The following SEPTIN9 variants were observed in gnomAD, a reference collection of about 807,000 sequenced individuals.
SEPTIN9 encodes the protein septin 9.
A neutral mutation model predicts 56.6 loss-of-function variants in SEPTIN9; 13 were observed. The ratio of observed to expected loss-of-function variants is 0.23; its 90% CI spans 0.15 to 0.37. The LOEUF (loss-of-function observed/expected upper bound fraction) is 0.37, where lower values mean the gene tolerates loss of function less well. Ranked by LOEUF, SEPTIN9 falls within the 10% of genes least tolerant of loss-of-function variation. The probability of loss-of-function intolerance (pLI) is 1.00; values close to 1 mark genes in which losing one functional copy is unlikely to be tolerated. For synonymous variants in SEPTIN9, 332 were observed against 334.1 expected (o/e 0.99, Z 0.07); for missense variants, 650 against 823.1 (o/e 0.79, Z 2.57).
chr17:77,365,677 C>A (rs1598259780), intron 2 of SEPTIN9, among the ~76,000 whole-genome samples: 1 of 152,274 alleles, frequency 6.6e-6, no homozygotes, highest in South Asian at 2.1e-4. Flanking sequence ...CCTGCCCTTC[C>A]CGGGTTGCCA....
intron 1 of SEPTIN9, among the ~76,000 whole-genome samples, chr17:77,305,805 C>T (rs568501324): frequency 6.0e-5 from 9 of 150,378 alleles, no homozygotes; most frequent in African/African-American, 2.0e-4. Flanking sequence ...TCTGCCTCCG[C>T]TCTGAGCCTT....
In SEPTIN9 at chr17:77,344,672, C is replaced by A. The variant is rs1193105774; in HGVS notation, c.76+37475C>A. Among the ~76,000 whole-genome samples, 3 of 152,100 alleles carry A rather than the reference C, an allele frequency of 2.0e-5. No individual in the cohort carries two copies. The East Asian group carries it at 5.8e-4, about 29-fold the overall frequency. On this transcript the variant is annotated intron_variant, in intron 2 of 11. Coordinates refer to ENST00000427177, the MANE Select transcript of SEPTIN9 (RefSeq NM_001113491.2). ...ATCTGTACAGTGGAATATTATTCTG[C>A]CTTAAAAAGGAAGGAGAGGCCAGGT...
intron 3 of SEPTIN9, among the ~76,000 whole-genome samples, chr17:77,459,142 C>T (rs2038347995): frequency 6.6e-6 from 1 of 152,238 alleles, no homozygotes; most frequent in Non-Finnish European, 1.5e-5. Flanking sequence ...TACCACCTGG[C>T]ACCCCTTGGT....
At chr17:77,490,051 C>T (rs2039957540) in intron 7 of SEPTIN9, among the ~76,000 whole-genome samples, 1 of 152,270 alleles carries the variant, frequency 6.6e-6, no homozygotes, top group Non-Finnish European at 1.5e-5. Flanking sequence ...TCCAGCTAGG[C>T]ATGTTGCCTG....
At chr17:77,484,832 A>G (rs1482368765) in intron 4 of SEPTIN9, among the ~76,000 whole-genome samples, 75 of 29,224 alleles carry the variant, frequency 2.6e-3, no homozygotes, top group Middle Eastern at 0.036. Flanking sequence ...GGTGGTGGCG[A>G]TGGTGGTTGT....
intron 3 of SEPTIN9, among the ~76,000 whole-genome samples, chr17:77,448,642 G>A (rs2037844534): frequency 6.6e-6 from 1 of 151,982 alleles, no homozygotes; most frequent in Admixed American, 6.6e-5. Context: ...CCTAGCAAGG[G>A]GGAAAGAAAA....
intron 8 of SEPTIN9, 118 bp downstream of exon 8, chr17:77,490,977 ACT>A (rs1455695141): frequency 4.8e-6 from 4 of 825,848 alleles, no homozygotes; most frequent in East Asian, 2.7e-5. Context: ...ACCGCTGGTC[ACT>A]CTCCCCAGCG....
In SEPTIN9 at chr17:77,450,349, C is replaced by T. The variant is rs2037918350; in HGVS notation, c.722-31795C>T. On this transcript the variant is annotated intron_variant, in intron 3 of 11. Coordinates refer to ENST00000427177, the MANE Select transcript of SEPTIN9 (RefSeq NM_001113491.2). The surrounding 1 kb of genome is among the most constrained non-coding windows in gnomAD (Gnocchi z 6.0). The stretch of plus-strand genomic sequence containing the variant: ...CCAGTCAGCACTCAACATGAGGTCC[C>T]GTGGGGGCTGCCTGAGGGCGTAGCT... 3.3e-5 allele frequency among the ~76,000 whole-genome samples: 5 copies of T among 152,124 alleles called. No homozygotes were observed. Among genetic ancestry groups the T allele is most frequent in the Admixed American group, 3.3e-4 (5 of 15,276 alleles).
intron 1 of SEPTIN9, among the ~76,000 whole-genome samples, chr17:77,295,895 C>T (rs1213697042): frequency 6.6e-6 from 1 of 152,030 alleles, no homozygotes; most frequent in African/African-American, 2.4e-5. Context: ...CATGGTTTCC[C>T]ATTTGTTGTG....
rs527856376 is a variant in SEPTIN9, at chr17:77,319,448, G to A, written c.76+12251G>A. Reference sequence around the variant, plus strand: ...GCTAGAGACTCACTGACTCATGCGTGTGTGGTAGGAATCTTCCAGGAAGTC... The same window carrying A: ...GCTAGAGACTCACTGACTCATGCGTATGTGGTAGGAATCTTCCAGGAAGTC... On this transcript the variant is annotated intron_variant, in intron 2 of 11. Transcript: ENST00000427177. This position sits in a 1 kb window ranked among gnomAD's most constrained non-coding sequence, Gnocchi z 5.3. 3.0e-5 allele frequency: 19 copies of A among 632,734 alleles called. No homozygotes were observed. In the South Asian group the frequency reaches 1.3e-3, roughly 43 times the overall value. The allele number at this position is 632,734 out of a possible 1,614,324, so 39.2% of individuals were successfully genotyped here.
intron 2 of SEPTIN9, among the ~76,000 whole-genome samples, chr17:77,396,560 G>C (rs1168688574): frequency 6.7e-6 from 1 of 149,272 alleles, no homozygotes; most frequent in Admixed American, 6.6e-5. Flanking sequence ...GATGGTGGCA[G>C]GGGGCTTCCC....
At chr17:77,324,922 G>A (rs1203831863) in intron 2 of SEPTIN9, among the ~76,000 whole-genome samples, 1 of 150,508 alleles carries the variant, frequency 6.6e-6, no homozygotes, top group Non-Finnish European at 1.5e-5. Context: ...TGGTTCCAGC[G>A]ATTTTCCTGC....
chr17:77,451,723 C>A lies in SEPTIN9; in HGVS notation c.722-30421C>A, dbSNP rs531410871. Among the ~76,000 whole-genome samples, 7 of 152,170 alleles carry A rather than the reference C, an allele frequency of 4.6e-5. No individual in the cohort carries two copies. Among genetic ancestry groups the A allele is most frequent in the Non-Finnish European group, 1.0e-4 (7 of 68,014 alleles). On this transcript the variant is annotated intron_variant, in intron 3 of 11. Coordinates refer to ENST00000427177, the MANE Select transcript of SEPTIN9 (RefSeq NM_001113491.2). The surrounding 1 kb of genome is among the most constrained non-coding windows in gnomAD (Gnocchi z 4.2). ...GGTGGCGGGGAGCTCGATCTCCACG[C>A]GGGGACCAGATTTTCGGCCTCAAAA... is the stretch of plus-strand genomic sequence containing the variant.
In SEPTIN9 at chr17:77,476,921, CTTTAT is replaced by C. The variant is rs1329082940; in HGVS notation, c.722-5213_722-5209del. Among the ~76,000 whole-genome samples, 6 of 152,296 alleles carry C rather than the reference CTTTAT, an allele frequency of 3.9e-5. No individual in the cohort carries two copies. In the East Asian group the frequency reaches 5.8e-4, roughly 15 times the overall value. On this transcript the variant is annotated intron_variant, in intron 3 of 11. Coordinates refer to ENST00000427177, the MANE Select transcript of SEPTIN9 (RefSeq NM_001113491.2). The surrounding 1 kb of genome is among the most constrained non-coding windows in gnomAD (Gnocchi z 6.0). ...GGGCACTTGTGGAAAACACTGGACTCTTTATTTTATTTTACTTTACATTCTGGGAT... is the reference window on the plus strand; with the variant it reads ...GGGCACTTGTGGAAAACACTGGACTCTTTATTTTACTTTACATTCTGGGAT...
chr17:77,474,537 G>T (rs2039132595), intron 3 of SEPTIN9, among the ~76,000 whole-genome samples: 1 of 152,198 alleles, frequency 6.6e-6, no homozygotes, highest in African/African-American at 2.4e-5. Flanking sequence ...CTCCCTGGGG[G>T]AGAGCAACTG....
chr17:77,390,452 CTT>C (rs1346255182), intron 2 of SEPTIN9, among the ~76,000 whole-genome samples: 1 of 115,052 alleles, frequency 8.7e-6, no homozygotes, highest in Middle Eastern at 4.5e-3. Context: ...GCACATTTCG[CTT>C]TTTTTTTTTT....
intron 2 of SEPTIN9, among the ~76,000 whole-genome samples, chr17:77,353,090 C>G (rs1489098555): frequency 6.6e-6 from 1 of 152,188 alleles, no homozygotes; most frequent in African/African-American, 2.4e-5. Flanking sequence ...TCAGGACTTG[C>G]ATATGTCTTT....
intron 7 of SEPTIN9, 98 bp from the exon 8 acceptor site, chr17:77,490,644 G>A (rs1057141834): frequency 1.1e-5 from 11 of 959,420 alleles, no homozygotes; most frequent in Middle Eastern, 2.2e-4. Context: ...CGTGAGCCCC[G>A]AGCCAGCACC....
chr17:77,454,791 C>T (rs1233038422), intron 3 of SEPTIN9, among the ~76,000 whole-genome samples: 6 of 152,256 alleles, frequency 3.9e-5, no homozygotes, highest in African/African-American at 1.4e-4. Flanking sequence ...AGCTTAACAC[C>T]CAGAGGTCTG....
Sources: allele counts gnomAD v4.1 joint callset (sites outside exome capture counted in the v4.1 genomes callset), GRCh38; gene constraint gnomAD v4.1.1; non-coding constraint Gnocchi (gnomAD v3.1); transcripts MANE v1.5; gene names NCBI Gene and HGNC (gene_info 2026-07-23, HGNC 2026-07-21).